Variants in P4HB observed in about 807,000 individuals in gnomAD.
P4HB encodes prolyl 4-hydroxylase subunit beta, also known as protein disulfide-isomerase.
P4HB carries 20 observed loss-of-function variants against 52.6 expected under a neutral mutation model. The ratio of observed to expected loss-of-function variants is 0.38; its 90% CI spans 0.27 to 0.55. The LOEUF (loss-of-function observed/expected upper bound fraction) is 0.55. Among genes scored for constraint, P4HB ranks in the 20% least tolerant of loss-of-function variants. The pLI, the probability that P4HB is intolerant of heterozygous loss-of-function variation, is 0.74. For missense variants in P4HB, 601 were observed against 669.2 expected (o/e 0.90, Z 1.12); for synonymous variants, 296 against 277.9 (o/e 1.07, Z -0.65).
chr17:81,846,980 G>C lies in P4HB; in HGVS notation c.822C>G (p.Asn274Lys), dbSNP rs755265656. The change falls in exon 6 of 11, where the codon AAC (asparagine) becomes AAG (lysine). Residue 274 changes from asparagine to lysine, a missense_variant. Transcript: ENST00000331483. This position sits in a 1 kb window ranked among gnomAD's most constrained non-coding sequence, Gnocchi z 5.7. ...SVSDYDGKLS[N>K]FKTAAESFKG... is the part of the protein sequence containing the mutation. ...TGAAGCTCTCGGCTGCTGTTTTGAA[G>C]TTGCTCAGTTTGCCGTCATAGTCAG... The C allele has an allele frequency of 6.2e-7, 1 of 1,614,114 alleles. No individual in the cohort carries two copies. The highest frequency in any genetic ancestry group is 2.2e-5 in the East Asian group (1 of 44,888).
chr17:81,858,522 G>A (rs910896180), intron 2 of P4HB, among the ~76,000 whole-genome samples: 2 of 152,152 alleles, frequency 1.3e-5, no homozygotes, highest in African/African-American at 2.4e-5. Context: ...CCACAGAACC[G>A]GTTTTATAGA....
chr17:81,847,681 CTTTTTT>C (rs1050502523), intron 4 of P4HB: 1 of 339,702 alleles, frequency 2.9e-6, no homozygotes, highest in African/African-American at 2.1e-5. Flanking sequence ...AAGCTATTTT[CTTTTTT>C]ATTTGTTTTT....
chr17:81,853,286 G>A (rs771449321), intron 4 of P4HB, among the ~76,000 whole-genome samples: 7 of 152,126 alleles, frequency 4.6e-5, no homozygotes, highest in Non-Finnish European at 8.8e-5. Context: ...GCTTACTACA[G>A]AAAGTGAATG....
At chr17:81,849,221 G>A (rs918125392) in intron 4 of P4HB, among the ~76,000 whole-genome samples, 1 of 151,862 alleles carries the variant, frequency 6.6e-6, no homozygotes, top group Non-Finnish European at 1.5e-5. Context: ...CAGGCCAGGC[G>A]TGGTGGCTCA....
In P4HB at chr17:81,846,835, T is replaced by G; in HGVS notation, c.855+112A>C. On this transcript the variant is annotated intron_variant, in intron 6 of 10. Coordinates refer to ENST00000331483, the MANE Select transcript of P4HB (RefSeq NM_000918.4). This position sits in a 1 kb window ranked among gnomAD's most constrained non-coding sequence, Gnocchi z 5.7. ...TACATCCAGGCTGTCCTGAATCAGG[T>G]GCCCGATCCAGTCCAGCAGGCAGCC... The G allele has an allele frequency of 7.2e-7, 1 of 1,381,012 alleles. No homozygotes were observed. The highest frequency in any genetic ancestry group is 1.3e-5 in the South Asian group (1 of 79,372). The allele number at this position is 1,381,012 out of a possible 1,614,324, so 85.5% of individuals were successfully genotyped here. A position where few individuals can be genotyped will look rare whatever the true frequency, so the allele number is the denominator to read the frequency against.
chr17:81,849,045 C>CAA (rs111762775), intron 4 of P4HB, among the ~76,000 whole-genome samples: 5 of 116,686 alleles, frequency 4.3e-5, no homozygotes, highest in Non-Finnish European at 7.3e-5. Context: ...GACTCTGTCT[C>CAA]AAAAAAAAAA....
chr17:81,845,766 T>C, intron 8 of P4HB, 24 bp from the exon 9 acceptor site: 1 of 1,612,464 alleles, frequency 6.2e-7, no homozygotes, highest in Non-Finnish European at 8.5e-7. Flanking sequence ...AGTTCTAGGG[T>C]GTGTCCTGGA....
At position 81,845,653 on chromosome 17, in the gene P4HB, C is replaced by T. The variant is rs767225536; in HGVS notation, c.1267G>A (p.Ala423Thr). 12 of 1,613,768 alleles carry T rather than the reference C, an allele frequency of 7.4e-6. No homozygotes were observed. Among genetic ancestry groups the T allele is most frequent in the Admixed American group, 1.7e-5 (1 of 59,976 alleles). The change falls in exon 9 of 11, where the codon GCC becomes ACC. Residue 423 changes from alanine to threonine, a missense_variant. Coordinates refer to ENST00000331483, the MANE Select transcript of P4HB (RefSeq NM_000918.4). ...TYKDHENIVI[A>T]KMDSTANEVE... ...TCGTTGGCAGTCGAGTCCATCTTGG[C>T]GATGACGATGTTCTCATGGTCCTTG...
At chr17:81,844,953 G>A (rs927681360) in intron 10 of P4HB, among the ~76,000 whole-genome samples, 191 bp downstream of exon 10, 2 of 152,386 alleles carry the variant, frequency 1.3e-5, no homozygotes, top group Admixed American at 6.5e-5. Context: ...GCCAGGGAGA[G>A]CTGTTTCAGC....
At chr17:81,844,901 T>A (rs1435084536) in intron 10 of P4HB, among the ~76,000 whole-genome samples, 1 of 152,194 alleles carries the variant, frequency 6.6e-6, no homozygotes, top group African/African-American at 2.4e-5. Flanking sequence ...CAAAATCTGG[T>A]TTTTAAAGAT....
intron 4 of P4HB, among the ~76,000 whole-genome samples, chr17:81,852,149 C>A (rs111308130): frequency 6.6e-6 from 1 of 152,226 alleles, no homozygotes; most frequent in African/African-American, 2.4e-5. Context: ...TGCCACCGCA[C>A]TCCAGCCTGG....
intron 4 of P4HB, among the ~76,000 whole-genome samples, chr17:81,854,245 T>C (rs2038879046): frequency 6.6e-6 from 1 of 152,196 alleles, no homozygotes; most frequent in Non-Finnish European, 1.5e-5. Flanking sequence ...TACTTTAGAA[T>C]AGTTAAAACG....
intron 4 of P4HB, 164 bp from the exon 5 acceptor site, chr17:81,847,511 G>A (rs542921569): frequency 1.1e-5 from 7 of 643,598 alleles, no homozygotes; most frequent in African/African-American, 7.2e-5. Flanking sequence ...GCTGTTCCTC[G>A]ACAGTAAGAC....
intron 2 of P4HB, 129 bp downstream of exon 2, chr17:81,859,052 T>C: frequency 1.3e-6 from 1 of 777,320 alleles, no homozygotes; most frequent in African/African-American, 1.7e-5. Context: ...GAACCCGGCC[T>C]GAGGAACGGG....
rs886215548 is a variant in P4HB at position 81,860,308 on chromosome 17, C to G, written c.145+19G>C. On this transcript the variant is annotated intron_variant, in intron 1 of 10. Coordinates refer to ENST00000331483, the MANE Select transcript of P4HB (RefSeq NM_000918.4). ...TCAGCGGCCCCGAGCCCCGCCCGCC[C>G]GCCAGGCCCGGCGCTCACAGAACTC... is the stretch of plus-strand genomic sequence containing the variant. The G allele has an allele frequency of 5.6e-6, 8 of 1,436,150 alleles. No individual in the cohort carries two copies. The Admixed American group carries it at 1.4e-4, about 25-fold the overall frequency. 89.0% of individuals were successfully genotyped at this position (1,436,150 alleles called of 1,614,324 possible).
chr17:81,847,646 C>A (rs544377808), intron 4 of P4HB: 55 of 453,946 alleles, frequency 1.2e-4, no homozygotes, highest in African/African-American at 9.8e-4. Context: ...GGGCCCCTAG[C>A]CTTTTCAGGG....
chr17:81,850,933 G>A lies in P4HB; in HGVS notation c.625-3586C>T, dbSNP rs191545729. 2.1e-3 allele frequency among the ~76,000 whole-genome samples: 318 copies of A among 151,058 alleles called. 6 individuals carry two copies. The highest frequency in any genetic ancestry group is 2.7e-3 in the East Asian group (14 of 5,116). On this transcript the variant is annotated intron_variant, in intron 4 of 10. Transcript: ENST00000331483. ...GTGAGCCACCAAGCCTGGTCCCCTTGAACCTTTTTTTTTTTTGAGACAGAG... is the reference window on the plus strand; with the variant it reads ...GTGAGCCACCAAGCCTGGTCCCCTTAAACCTTTTTTTTTTTTGAGACAGAG...
chr17:81,846,393 C>T lies in P4HB; in HGVS notation c.1056+36G>A, dbSNP rs188184624. The T allele has an allele frequency of 2.5e-6, 4 of 1,605,642 alleles. No homozygotes were observed. Among genetic ancestry groups the T allele is most frequent in the Middle Eastern group, 1.7e-4 (1 of 5,780 alleles). On this transcript the variant is annotated intron_variant, in intron 7 of 10. Coordinates refer to ENST00000331483, the MANE Select transcript of P4HB (RefSeq NM_000918.4). The surrounding 1 kb of genome is among the most constrained non-coding windows in gnomAD (Gnocchi z 5.7). ...AGAGACCCCAAGGTGGCGGCTCTACCCGGGAGGCAGCCCTGGCCCGGGGAC... is the reference window on the plus strand; with the variant it reads ...AGAGACCCCAAGGTGGCGGCTCTACTCGGGAGGCAGCCCTGGCCCGGGGAC...
intron 4 of P4HB, among the ~76,000 whole-genome samples, chr17:81,848,192 G>A (rs150876852): frequency 0.014 from 2,129 of 152,182 alleles, 49 homozygotes; most frequent in African/African-American, 0.05. Context: ...GAGCCACCGC[G>A]CCCGGCTGGT....
Sources: allele counts gnomAD v4.1 joint callset (sites outside exome capture counted in the v4.1 genomes callset), GRCh38; gene constraint gnomAD v4.1.1; non-coding constraint Gnocchi (gnomAD v3.1); transcripts MANE v1.5; gene names NCBI Gene and HGNC (gene_info 2026-07-23, HGNC 2026-07-21).